KCMF1: variants seen among roughly 807,000 people sequenced by gnomAD.
The protein encoded by KCMF1 is potassium channel modulatory factor 1.
In KCMF1, 3 loss-of-function variants were observed where a neutral mutation model predicts 41.1. The ratio of observed to expected loss-of-function variants is 0.07; its 90% CI spans 0.03 to 0.19. KCMF1 has a LOEUF of 0.19. Among genes scored for constraint, KCMF1 ranks in the 10% least tolerant of loss-of-function variants. KCMF1 has a pLI of 1.00. For synonymous variants in KCMF1, 142 were observed against 164.5 expected (o/e 0.86, Z 1.04); for missense variants, 286 against 488.9 (o/e 0.58, Z 3.91).
At chr2:85,012,388 T>C (rs567825563) in intron 1 of KCMF1, among the ~76,000 whole-genome samples, 2 of 152,356 alleles carry the variant, frequency 1.3e-5, no homozygotes, top group East Asian at 3.9e-4. Context: ...TTAAAAACTT[T>C]TAAATTTTGT....
At chr2:84,977,718 G>A (rs929827727) in intron 1 of KCMF1, among the ~76,000 whole-genome samples, 4 of 151,886 alleles carry the variant, frequency 2.6e-5, no homozygotes, top group African/African-American at 9.7e-5. Flanking sequence ...GCCATGCCCA[G>A]CAACTTTTTC....
chr2:85,042,848 C>T (rs1675573185), intron 3 of KCMF1, among the ~76,000 whole-genome samples: 1 of 152,172 alleles, frequency 6.6e-6, no homozygotes. Context: ...GTCACCCGCT[C>T]CCCGAACTGT....
intron 1 of KCMF1, among the ~76,000 whole-genome samples, chr2:85,027,433 T>C (rs1259032968): frequency 9.2e-5 from 13 of 140,646 alleles, no homozygotes; most frequent in African/African-American, 3.0e-4. Flanking sequence ...TGGAGTGCAG[T>C]GGCGCGATCT....
intron 1 of KCMF1, among the ~76,000 whole-genome samples, chr2:84,999,469 A>C (rs574497698): frequency 6.6e-6 from 1 of 152,302 alleles, no homozygotes; most frequent in East Asian, 1.9e-4. Context: ...TTTTTATAAC[A>C]AATAATTTAA....
intron 1 of KCMF1, among the ~76,000 whole-genome samples, chr2:84,999,748 T>C (rs1008570382): frequency 6.6e-6 from 1 of 152,188 alleles, no homozygotes; most frequent in African/African-American, 2.4e-5. Context: ...AGGGATAACA[T>C]AAGACAAATT....
Position 85,058,914 on chromosome 2 carries a change from A to G in KCMF1, c.*5505A>G, listed in dbSNP as rs1372710655. ...GCATCCTCTTCTGTAAGCTGGATGG[A>G]GTCCCAGCTCTCTCTCCTTGTATAT... On this transcript the variant is annotated 3_prime_UTR_variant, in exon 7 of 7. Transcript: ENST00000409785. 6.6e-6 allele frequency: 1 copy of G among 152,178 alleles called. No homozygotes were observed. Among genetic ancestry groups the G allele is most frequent in the Non-Finnish European group, 1.5e-5 (1 of 68,024 alleles). The allele number at this position is 152,178 out of a possible 1,614,324, so 9.4% of individuals were successfully genotyped here.
intron 1 of KCMF1, among the ~76,000 whole-genome samples, chr2:84,982,627 G>A (rs914438096): frequency 6.6e-6 from 1 of 152,030 alleles, no homozygotes. Flanking sequence ...CTGGACTCCT[G>A]ACCTCAGGTG....
At chr2:84,997,764 CTTTTT>C (rs112460793) in intron 1 of KCMF1, among the ~76,000 whole-genome samples, 1 of 80,268 alleles carries the variant, frequency 1.2e-5, no homozygotes, top group South Asian at 4.6e-4. Flanking sequence ...AATACATTTT[CTTTTT>C]TTTTTTTTTT....
chr2:85,014,564 A>G lies in KCMF1; in HGVS notation c.17-13325A>G, dbSNP rs995759654. ...AAAAGGGCTTTTCTTTTTTTGGGAA[A>G]GTTGGAGCCTAAACCAAGCTCTCTC... On this transcript the variant is annotated intron_variant, in intron 1 of 6. Transcript: ENST00000409785. 2.6e-5 allele frequency among the ~76,000 whole-genome samples: 4 copies of G among 151,566 alleles called. No homozygotes were observed. The South Asian group carries it at 8.4e-4, about 32-fold the overall frequency.
intron 5 of KCMF1, 65 bp from the exon 6 acceptor site, chr2:85,049,301 G>T: frequency 2.7e-6 from 4 of 1,500,162 alleles, no homozygotes; most frequent in South Asian, 1.2e-5. Context: ...GTAAAAGAGT[G>T]ATCTGTAGCG....
At chr2:85,052,265 T>C (rs2104069612) in intron 6 of KCMF1, among the ~76,000 whole-genome samples, 1 of 152,240 alleles carries the variant, frequency 6.6e-6, no homozygotes, top group Middle Eastern at 3.4e-3. Flanking sequence ...GAAATGGGGT[T>C]TCACCACATT....
At position 84,971,301 on chromosome 2, in the gene KCMF1, C is replaced by G. The variant is rs1673385056; in HGVS notation, c.-151C>G. On this transcript the variant is annotated 5_prime_UTR_variant, in exon 1 of 7. Coordinates refer to ENST00000409785, the MANE Select transcript of KCMF1 (RefSeq NM_020122.5). ...TCCCCGCCGCCGCCGCCGCCGCCGCCGCGGGAGCGCTCCCCTGCCCACCCC... is the reference window on the plus strand; with the variant it reads ...TCCCCGCCGCCGCCGCCGCCGCCGCGGCGGGAGCGCTCCCCTGCCCACCCC... The G allele has an allele frequency of 5.0e-6, 1 of 201,264 alleles. No homozygotes were observed. The highest frequency in any genetic ancestry group is 8.7e-6 in the Non-Finnish European group (1 of 114,322). The allele number at this position is 201,264 out of a possible 1,614,324, so 12.5% of individuals were successfully genotyped here. A position where few individuals can be genotyped will look rare whatever the true frequency, so the allele number is the denominator to read the frequency against.
chr2:84,999,184 T>C (rs1428260118), intron 1 of KCMF1, among the ~76,000 whole-genome samples: 1 of 152,038 alleles, frequency 6.6e-6, no homozygotes, highest in East Asian at 1.9e-4. Context: ...AGAGTCTTGC[T>C]CTGTCGCCCA....
intron 2 of KCMF1, among the ~76,000 whole-genome samples, chr2:85,030,217 G>GT (rs1227089804): frequency 6.6e-6 from 1 of 151,598 alleles, no homozygotes; most frequent in East Asian, 1.9e-4. Context: ...AATTGTAATA[G>GT]TTTTTTATTC....
At chr2:84,975,945 C>T (rs1256859449) in intron 1 of KCMF1, among the ~76,000 whole-genome samples, 2 of 152,188 alleles carry the variant, frequency 1.3e-5, no homozygotes, top group African/African-American at 4.8e-5. Context: ...TTCAACCTTT[C>T]AGTCACTACT....
rs1192768431 is a variant in KCMF1, at chr2:85,008,318, T to A, written c.17-19571T>A. ...TATATAATATATAATATGATATATA[T>A]ATCATATATAATATATAATATGATA... On this transcript the variant is annotated intron_variant, in intron 1 of 6. Transcript: ENST00000409785. 1.3e-3 allele frequency among the ~76,000 whole-genome samples: 86 copies of A among 67,842 alleles called. 1 individual carries two copies. The highest frequency in any genetic ancestry group is 6.8e-3 in the African/African-American group (80 of 11,730). 44.5% of individuals were successfully genotyped at this position (67,842 alleles called of 152,430 possible).
rs1458941660 is a variant in KCMF1, at chr2:85,006,425, C to T, written c.17-21464C>T. On this transcript the variant is annotated intron_variant, in intron 1 of 6. Coordinates refer to ENST00000409785, the MANE Select transcript of KCMF1 (RefSeq NM_020122.5). The stretch of plus-strand genomic sequence containing the variant: ...ACGCCATTCTCCTGCCTCAGCCTCC[C>T]GAGTAGCTGGGACTACAGGCGCCCG... Among the ~76,000 whole-genome samples the T allele has an allele frequency of 6.0e-5, 9 of 151,206 alleles. No individual in the cohort carries two copies. The East Asian group carries it at 7.9e-4, about 13-fold the overall frequency.
rs532158214 is a variant in KCMF1 at position 85,022,196 on chromosome 2, T to G, written c.17-5693T>G. ...AATAAGAATCTACAACCTAGGCTGG[T>G]CTCGGTGGCTCATGCCTGTAATCTC... is the stretch of plus-strand genomic sequence containing the variant. On this transcript the variant is annotated intron_variant, in intron 1 of 6. Transcript: ENST00000409785. Among the ~76,000 whole-genome samples, 17 of 152,260 alleles carry G rather than the reference T, an allele frequency of 1.1e-4. 1 individual carries two copies. In the South Asian group the frequency reaches 3.5e-3, roughly 32 times the overall value.
chr2:85,040,786 A>T (rs1449555181), intron 3 of KCMF1, among the ~76,000 whole-genome samples: 1 of 143,796 alleles, frequency 7.0e-6, no homozygotes, highest in Non-Finnish European at 1.5e-5. Context: ...TTTTTTTGAG[A>T]TGGAGTCTCT....
Sources: allele counts gnomAD v4.1 joint callset (sites outside exome capture counted in the v4.1 genomes callset), GRCh38; gene constraint gnomAD v4.1.1; transcripts MANE v1.5; gene names NCBI Gene and HGNC (gene_info 2026-07-23, HGNC 2026-07-21).